Variants in QARS1 observed in about 807,000 individuals in gnomAD.
The protein encoded by QARS1 is glutamine--tRNA ligase.
In QARS1, 79 loss-of-function variants were observed where a neutral mutation model predicts 106.9. The ratio of observed to expected loss-of-function variants is 0.74; its 90% CI spans 0.62 to 0.89. The LOEUF (loss-of-function observed/expected upper bound fraction) is 0.89. Among genes scored for constraint, QARS1 ranks in the 40% least tolerant of loss-of-function variants. QARS1 has a pLI of 0.00. For synonymous variants in QARS1, 395 were observed against 367.7 expected, an observed-to-expected ratio of 1.07 and a Z score of -0.85; for missense variants, 966 against 997.2, an observed-to-expected ratio of 0.97 and a Z score of 0.42.
rs202012811 is a variant in QARS1 at position 49,104,600 on chromosome 3, G to A, written c.117+17C>T. On this transcript the variant is annotated intron_variant, in intron 1 of 23. Coordinates refer to ENST00000306125, the MANE Select transcript of QARS1 (RefSeq NM_005051.3). ...AGCATGGTCTGCAAACCAGGCCGGGGGCAGAGGGGCTCGCACCTGAGTAGC... is the reference window on the plus strand; with the variant it reads ...AGCATGGTCTGCAAACCAGGCCGGGAGCAGAGGGGCTCGCACCTGAGTAGC... 2.3e-3 allele frequency: 3,677 copies of A among 1,598,966 alleles called. 4 individuals carry two copies. The highest frequency in any genetic ancestry group is 2.8e-3 in the Non-Finnish European group (3,296 of 1,168,712).
rs2042486210 is a variant in QARS1 at position 49,102,632 on chromosome 3, C to T, written c.517-160G>A. The stretch of plus-strand genomic sequence containing the variant: ...ATCTCTTCTCATGTGGGTCTGCTAG[C>T]TTAAAATGCTCTTGCTCTTGTTGCC... On this transcript the variant is annotated intron_variant, in intron 5 of 23. Coordinates refer to ENST00000306125, the MANE Select transcript of QARS1 (RefSeq NM_005051.3). 12 of 728,792 alleles carry T rather than the reference C, an allele frequency of 1.6e-5. No individual in the cohort carries two copies. The Admixed American group carries it at 2.6e-4, about 16-fold the overall frequency. The allele number at this position is 728,792 out of a possible 1,614,324, so 45.1% of individuals were successfully genotyped here.
Position 49,102,440 on chromosome 3 carries a change from A to T in QARS1, c.549T>A (p.Ala183=). ...VLHLLGPKLE[A]DLEKKFKVAK... The stretch of plus-strand genomic sequence containing the variant: ...CTACCTTGAACTTCTTCTCCAGATC[A>T]GCCTCCAACTTGGGGCCCAGAAGGT... The change falls in exon 6 of 24, where the codon GCT becomes GCA. Residue 183 remains alanine (A), a synonymous_variant. Coordinates refer to ENST00000306125, the MANE Select transcript of QARS1 (RefSeq NM_005051.3). The T allele has an allele frequency of 6.2e-7, 1 of 1,614,152 alleles. No individual in the cohort carries two copies. Among genetic ancestry groups the T allele is most frequent in the Non-Finnish European group, 8.5e-7 (1 of 1,180,018 alleles).
rs1397938831 is a variant in QARS1, at chr3:49,099,653, G to A, written c.1389-6C>T. 2.5e-6 allele frequency: 4 copies of A among 1,612,714 alleles called. No individual in the cohort carries two copies. The highest frequency in any genetic ancestry group is 1.3e-5 in the African/African-American group (1 of 74,426). On this transcript the variant is annotated splice_region_variant and splice_polypyrimidine_tract_variant and intron_variant, in intron 15 of 23. Transcript: ENST00000306125. ...GCCAGAAGTAGGAAGAGCGTCTGGGGTGGGAGAGTAGGGTTAGCACTGGCC... is the reference window on the plus strand; with the variant it reads ...GCCAGAAGTAGGAAGAGCGTCTGGGATGGGAGAGTAGGGTTAGCACTGGCC...
At chr3:49,096,960 G>A (rs1476526753) in intron 23 of QARS1, 10 of 150,976 alleles carry the variant, frequency 6.6e-5, no homozygotes, top group Admixed American at 6.6e-4. Context: ...ACTCCAGCCT[G>A]GGCAACAGGG....
chr3:49,104,001 G>A, intron 2 of QARS1, 29 bp from the exon 3 acceptor site: 1 of 1,572,078 alleles, frequency 6.4e-7, no homozygotes, highest in Non-Finnish European at 8.7e-7. Flanking sequence ...TGAGTTTGTG[G>A]CATCTCTGCT....
At chr3:49,101,780 C>G (rs750693823) in intron 8 of QARS1, 48 bp downstream of exon 8, 3 of 1,608,412 alleles carry the variant, frequency 1.9e-6, no homozygotes, top group South Asian at 2.2e-5. Flanking sequence ...ACTATAGGAG[C>G]TGCTGCCAAG....
At chr3:49,097,264 C>G (rs1171363060) in intron 23 of QARS1, 1 of 152,034 alleles carries the variant, frequency 6.6e-6, no homozygotes, top group Non-Finnish European at 1.5e-5. Flanking sequence ...TCACACCACC[C>G]TGGGCAAGAG....
At chr3:49,098,161 A>T in intron 22 of QARS1, 31 bp downstream of exon 22, 1 of 1,613,502 alleles carries the variant, frequency 6.2e-7, no homozygotes, top group Non-Finnish European at 8.5e-7. Flanking sequence ...AGGGAGGCCT[A>T]CCTCCCTCAC....
At chr3:49,103,514 C>A (rs1018720475) in intron 4 of QARS1, 105 bp from the exon 5 acceptor site, 6 of 1,562,660 alleles carry the variant, frequency 3.8e-6, no homozygotes, top group East Asian at 2.3e-5. Context: ...AGAGCCTGAG[C>A]CCAGCCAGAC....
chr3:49,096,744 G>C (rs550715571), intron 23 of QARS1, among the ~76,000 whole-genome samples: 2 of 136,190 alleles, frequency 1.5e-5, no homozygotes, highest in South Asian at 2.5e-4. Context: ...AGCTTGCAGT[G>C]AGCCGAGATT....
rs778006641 is a variant in QARS1, at chr3:49,103,330, G to C, written c.516+15C>G. 1.2e-6 allele frequency: 2 copies of C among 1,613,536 alleles called. No homozygotes were observed. The highest frequency in any genetic ancestry group is 1.3e-5 in the African/African-American group (1 of 74,920). ...CAGAGTCTTTGCCAGCTTCAGCTTA[G>C]TGAAGCACGCTCACCTGCATGTCCA... On this transcript the variant is annotated intron_variant, in intron 5 of 23. Transcript: ENST00000306125.
chr3:49,101,465 G>A (rs370929072), intron 9 of QARS1, 24 bp from the exon 10 acceptor site: 5 of 1,598,104 alleles, frequency 3.1e-6, no homozygotes, highest in Middle Eastern at 3.3e-4. Flanking sequence ...GATGGGAAAA[G>A]AGAAATAAAG....
At chr3:49,098,543 T>C in intron 20 of QARS1, 57 bp downstream of exon 20, 1 of 1,611,522 alleles carries the variant, frequency 6.2e-7, no homozygotes. Flanking sequence ...CTGCAGGCTA[T>C]ACTCACATCT....
In QARS1 at chr3:49,098,249, G is replaced by C. The variant is rs1298512218; in HGVS notation, c.2094C>G (p.His698Gln). The change falls in exon 22 of 24, where the codon CAC becomes CAG. Residue 698 changes from histidine to glutamine, a missense_variant. By Grantham distance (24) the His-to-Gln change is conservative (BLOSUM62 0). Transcript: ENST00000306125. ...CCTCAGTAGGATCTTCAGGGTTCTT[G>C]TGCTGGAATCTGCAGCCAAAGTGAA... Reference protein sequence around the residue: ...EVRLYERLFQHKNPEDPTEVP... With the variant: ...EVRLYERLFQQKNPEDPTEVP... 6.2e-7 allele frequency: 1 copy of C among 1,614,170 alleles called. No homozygotes were observed. The highest frequency in any genetic ancestry group is 2.2e-5 in the East Asian group (1 of 44,890).
At chr3:49,098,836 C>A in intron 19 of QARS1, 49 bp downstream of exon 19, 1 of 1,542,922 alleles carries the variant, frequency 6.5e-7, no homozygotes. Context: ...TGAAAGGTTC[C>A]CAGTACCAGA....
In QARS1 at chr3:49,100,050, T is replaced by C; in HGVS notation, c.1206A>G (p.Leu402=). The C allele has an allele frequency of 6.2e-7, 1 of 1,614,200 alleles. No individual in the cohort carries two copies. Among genetic ancestry groups the C allele is most frequent in the Non-Finnish European group, 8.5e-7 (1 of 1,180,028 alleles). ...CATCCTCCATCACCAGCTTCATCCG[T>C]AGTGTGGCCTCGCCCTCTGAAAACT... ...KGKFSEGEAT[L]RMKLVMEDGK... is the part of the protein sequence containing the mutation. Residue 402 remains leucine, a synonymous_variant, in exon 14 of 24, where the codon CTA becomes CTG. Transcript: ENST00000306125.
intron 2 of QARS1, 38 bp downstream of exon 2, chr3:49,104,286 G>GCATT (rs1331190966): frequency 6.2e-7 from 1 of 1,610,280 alleles, no homozygotes; most frequent in East Asian, 2.2e-5. Flanking sequence ...CTGAAGGGAG[G>GCATT]CATTGGTGCG....
intron 2 of QARS1, 86 bp from the exon 3 acceptor site, chr3:49,104,058 T>C (rs775881468): frequency 1.5e-6 from 2 of 1,307,368 alleles, no homozygotes; most frequent in South Asian, 1.2e-5. Context: ...ACTCCAAGGA[T>C]AGTCTGGCCT....
intron 10 of QARS1, 172 bp from the exon 11 acceptor site, chr3:49,100,846 G>C (rs933521937): frequency 1.4e-6 from 1 of 702,246 alleles, no homozygotes; most frequent in Non-Finnish European, 2.6e-6. Flanking sequence ...CACCTCCTGG[G>C]TTTCTCCTGC....
Sources: gnomAD v4.1 joint callset for allele counts (sites outside exome capture counted in the v4.1 genomes callset) on GRCh38, gnomAD v4.1.1 for gene constraint, MANE v1.5 for transcripts, NCBI Gene and HGNC (gene_info 2026-07-23, HGNC 2026-07-21) for gene names.